Variants in POLK observed in about 807,000 individuals in gnomAD.
The protein encoded by POLK is polymerase (DNA directed) kappa.
A neutral mutation model predicts 94.0 loss-of-function variants in POLK; 76 were observed. The ratio of observed to expected loss-of-function variants is 0.81; its 90% CI spans 0.67 to 0.98. The LOEUF is 0.98. POLK is among the 50% of genes least tolerant of loss of function. The probability of loss-of-function intolerance (pLI) is 0.00; values close to 1 mark genes in which losing one functional copy is unlikely to be tolerated. For synonymous variants in POLK, 349 were observed against 325.4 expected (o/e 1.07, Z -0.78); for missense variants, 954 against 1,010.1 (o/e 0.94, Z 0.75).
intron 3 of POLK, among the ~76,000 whole-genome samples, chr5:75,568,525 A>G (rs1050380162): frequency 4.6e-5 from 7 of 152,040 alleles, no homozygotes; most frequent in Admixed American, 4.6e-4. Context: ...ACCCCCTTTC[A>G]TTTCTTTCTC....
intron 1 of POLK, among the ~76,000 whole-genome samples, chr5:75,543,397 G>A (rs1396957986): frequency 6.6e-6 from 1 of 152,078 alleles, no homozygotes; most frequent in East Asian, 1.9e-4. Flanking sequence ...TGAAAGCAGA[G>A]CTCACAGGAT....
At chr5:75,591,886 C>A (rs532761471) in intron 11 of POLK, among the ~76,000 whole-genome samples, 65 of 152,284 alleles carry the variant, frequency 4.3e-4, no homozygotes, top group Non-Finnish European at 2.5e-4. Context: ...AACATCCTAT[C>A]ATGGGGTGTA....
At chr5:75,540,618 T>G (rs552615990) in intron 1 of POLK, among the ~76,000 whole-genome samples, 4 of 152,284 alleles carry the variant, frequency 2.6e-5, no homozygotes, top group African/African-American at 9.6e-5. Context: ...ATTAAAATTG[T>G]AATATTCTAG....
chr5:75,548,192 G>T (rs1770149455), intron 2 of POLK, among the ~76,000 whole-genome samples: 1 of 152,034 alleles, frequency 6.6e-6, no homozygotes, highest in Admixed American at 6.6e-5. Flanking sequence ...AAAGTGCTGG[G>T]ATTATAGGCA....
At chr5:75,511,731 C>G (rs897130986), upstream of POLK, 2 of 1,548,488 alleles carry the variant, frequency 1.3e-6, no homozygotes, top group African/African-American at 2.7e-5. Flanking sequence ...ACACGCCGAG[C>G]CTTCGGGATC....
chr5:75,527,502 T>TATATATAC (rs555220325), intron 1 of POLK, among the ~76,000 whole-genome samples: 11 of 132,978 alleles, frequency 8.3e-5, no homozygotes, highest in East Asian at 2.1e-4. Context: ...AATTTATATA[T>TATATATAC]ACACACACAC....
In POLK at chr5:75,596,543, A is replaced by G. The variant is rs748810124; in HGVS notation, c.1850A>G (p.Asp617Gly). ...AATTTGGAAATATCAGAGAATTCAGATGACTGTCAGATACTTACCTGTCCT... is the reference window on the plus strand; with the variant it reads ...AATTTGGAAATATCAGAGAATTCAGGTGACTGTCAGATACTTACCTGTCCT... The change falls in exon 13 of 15, where the codon GAT becomes GGT. Residue 617 changes from aspartate (D) to glycine (G), a missense_variant. By Grantham distance (94) the Asp-to-Gly change is moderately conservative (BLOSUM62 -1). Coordinates refer to ENST00000241436, the Ensembl canonical transcript of POLK. 2.2e-5 allele frequency: 35 copies of G among 1,613,870 alleles called. No individual in the cohort carries two copies. In the South Asian group the frequency reaches 3.4e-4, roughly 16 times the overall value.
At chr5:75,596,698 G>C (rs151303145) in exon 13 of POLK, 1 of 1,613,950 alleles carries the variant, frequency 6.2e-7, no homozygotes, top group Admixed American at 1.7e-5. Flanking sequence ...TGCTACCAAA[G>C]TTAACAAGAA....
intron 1 of POLK, among the ~76,000 whole-genome samples, chr5:75,514,468 G>T (rs912054921): frequency 2.0e-5 from 3 of 152,162 alleles, no homozygotes; most frequent in Non-Finnish European, 4.4e-5. Flanking sequence ...TTTGTAAGTA[G>T]CAATTATCAT....
rs774007128 is a variant in POLK, at chr5:75,552,501, GAAAGAAA to G, written c.167_173del (p.Lys56SerfsTer10). The G allele has an allele frequency of 1.9e-6, 3 of 1,611,846 alleles. No homozygotes were observed. Among genetic ancestry groups the G allele is most frequent in the Non-Finnish European group, 2.5e-6 (3 of 1,179,034 alleles). On this transcript the variant is annotated frameshift_variant, in exon 3 of 15. Coordinates refer to ENST00000241436, the Ensembl canonical transcript of POLK. LOFTEE classifies it high-confidence loss of function. Reference sequence around the variant, plus strand: ...CCAGATTTTATGGAAATGAGCTCAAGAAAGAAAAGCAAGTCAACCAACGAATTGAAAA... The same window carrying G: ...CCAGATTTTATGGAAATGAGCTCAAGAGCAAGTCAACCAACGAATTGAAAA...
chr5:75,517,547 C>G (rs1467392863), intron 1 of POLK, among the ~76,000 whole-genome samples: 1 of 152,134 alleles, frequency 6.6e-6, no homozygotes, highest in Non-Finnish European at 1.5e-5. Flanking sequence ...TTGGTGGAGT[C>G]TTTAGGGGTT....
chr5:75,571,615 C>T (rs1435367778), intron 4 of POLK, among the ~76,000 whole-genome samples: 2 of 152,170 alleles, frequency 1.3e-5, no homozygotes, highest in Non-Finnish European at 2.9e-5. Flanking sequence ...GAACTTTCTC[C>T]TCTCCATTGT....
chr5:75,527,426 G>A (rs73120841), intron 1 of POLK, among the ~76,000 whole-genome samples: 1,835 of 151,172 alleles, frequency 0.012, 37 homozygotes, highest in African/African-American at 0.042. Flanking sequence ...AGGCTGCAGT[G>A]GAAGGATTGA....
At position 75,596,008 on chromosome 5, in the gene POLK, A is replaced by G. The variant is rs76416852; in HGVS notation, c.1529-214A>G. 6.6e-5 allele frequency among the ~76,000 whole-genome samples: 10 copies of G among 152,374 alleles called. 1 individual carries two copies. The East Asian group carries it at 1.9e-3, about 29-fold the overall frequency. On this transcript the variant is annotated intron_variant, in intron 12 of 14. Coordinates refer to ENST00000241436, the Ensembl canonical transcript of POLK. ...TGTCACATATGAATTAAAATCCTAC[A>G]TCATTATACTAACTCCAAATAGTTA...
chr5:75,574,155 T>G (rs1397173256), intron 5 of POLK, among the ~76,000 whole-genome samples: 3 of 152,220 alleles, frequency 2.0e-5, no homozygotes, highest in Non-Finnish European at 4.4e-5. Context: ...TAAAATTAAA[T>G]TTAGCTATTT....
intron 7 of POLK, 48 bp from the exon 8 acceptor site, chr5:75,583,245 G>A: frequency 7.0e-7 from 1 of 1,422,624 alleles, no homozygotes; most frequent in Non-Finnish European, 9.5e-7. Context: ...ATATTTAAAA[G>A]TCATACATAT....
At chr5:75,532,211 T>C (rs948387577) in intron 1 of POLK, among the ~76,000 whole-genome samples, 7 of 152,172 alleles carry the variant, frequency 4.6e-5, no homozygotes, top group Non-Finnish European at 7.4e-5. Context: ...GTACCTGATA[T>C]GTAGTTTTTC....
chr5:75,587,327 T>C (rs187682690), intron 10 of POLK, among the ~76,000 whole-genome samples: 1 of 152,340 alleles, frequency 6.6e-6, no homozygotes, highest in Admixed American at 6.5e-5. Context: ...ATTTCATATC[T>C]TAATTTCTAG....
At chr5:75,570,208 A>G (rs1432926887) in intron 4 of POLK, among the ~76,000 whole-genome samples, 2 of 152,200 alleles carry the variant, frequency 1.3e-5, no homozygotes, top group Non-Finnish European at 2.9e-5. Flanking sequence ...CCATTTGGCA[A>G]AAAAGAAAAC....
Sources: gnomAD v4.1 joint callset for allele counts (sites outside exome capture counted in the v4.1 genomes callset) on GRCh38, gnomAD v4.1.1 for gene constraint, MANE v1.5 for transcripts, NCBI Gene and HGNC (gene_info 2026-07-23, HGNC 2026-07-21) for gene names.